The following OTOR variants were observed in gnomAD, a reference collection of about 807,000 sequenced individuals.
The protein encoded by OTOR is otoraplin.
A neutral mutation model predicts 15.9 loss-of-function variants in OTOR; 20 were observed. The ratio of observed to expected loss-of-function variants is 1.26; its 90% CI spans 0.89 to 1.83. The LOEUF (loss-of-function observed/expected upper bound fraction) is 1.83, where lower values mean the gene tolerates loss of function less well. OTOR is among the 40% of genes most tolerant of loss of function. The probability of loss-of-function intolerance (pLI) is 0.00; values close to 1 mark genes in which losing one functional copy is unlikely to be tolerated. For synonymous variants in OTOR, 53 were observed against 54.2 expected (o/e 0.98, Z 0.09); for missense variants, 184 against 159.0 (o/e 1.16, Z -0.85).
At chr20:16,751,025 C>A in intron 3 of OTOR, 70 bp from the exon 4 acceptor site, 3 of 1,174,758 alleles carry the variant, frequency 2.6e-6, no homozygotes, top group Non-Finnish European at 3.6e-6. Context: ...ACTTTAAATA[C>A]AGAATCTACA....
chr20:16,750,099 G>T, intron 3 of OTOR, 89 bp downstream of exon 3: 1 of 852,098 alleles, frequency 1.2e-6, no homozygotes, highest in Non-Finnish European at 1.9e-6. Context: ...CTTACAAGTT[G>T]TATAGAACAA....
chr20:16,750,411 G>C (rs964424303), intron 3 of OTOR, among the ~76,000 whole-genome samples: 12 of 149,344 alleles, frequency 8.0e-5, no homozygotes, highest in Admixed American at 2.7e-4. Flanking sequence ...CTTTGTGTGT[G>C]TGTGTGTGTG....
intron 3 of OTOR, among the ~76,000 whole-genome samples, chr20:16,750,413 G>GTC (rs142386390): frequency 6.7e-6 from 1 of 149,576 alleles, no homozygotes; most frequent in African/African-American, 2.5e-5. Context: ...TTGTGTGTGT[G>GTC]TGTGTGTGTG....
At chr20:16,751,002 CT>C in intron 3 of OTOR, 92 bp from the exon 4 acceptor site, 1 of 951,358 alleles carries the variant, frequency 1.1e-6, no homozygotes, top group Non-Finnish European at 1.6e-6. Flanking sequence ...CCAAATTTCT[CT>C]GATTAGATAT....
chr20:16,750,944 G>C, intron 3 of OTOR, 151 bp from the exon 4 acceptor site: 1 of 648,340 alleles, frequency 1.5e-6, no homozygotes, highest in Non-Finnish European at 2.7e-6. Context: ...GACTTAAAGT[G>C]GTAAATATTT....
chr20:16,751,180 G>A lies in OTOR; in HGVS notation c.*62G>A, dbSNP rs144748974. ...AAAAATAAAGAAAAGAGCAAAAGTG[G>A]CCAAAAAATGCATGTCTGTAATTTT... is the stretch of plus-strand genomic sequence containing the variant. On this transcript the variant is annotated 3_prime_UTR_variant, in exon 4 of 4. Coordinates refer to ENST00000246081, the MANE Select transcript of OTOR (RefSeq NM_020157.4). 12,394 of 1,143,782 alleles carry A rather than the reference G, an allele frequency of 0.011. 86 individuals carry two copies. The highest frequency in any genetic ancestry group is 0.013 in the Non-Finnish European group (10,446 of 801,094). The allele number at this position is 1,143,782 out of a possible 1,614,324, so 70.9% of individuals were successfully genotyped here.
Position 16,751,081 on chromosome 20 carries a change from T to C in OTOR, c.364-14T>C. 1 of 1,536,270 alleles carries C rather than the reference T, an allele frequency of 6.5e-7. No homozygotes were observed. The highest frequency in any genetic ancestry group is 8.8e-7 in the Non-Finnish European group (1 of 1,133,838). On this transcript the variant is annotated splice_polypyrimidine_tract_variant and intron_variant, in intron 3 of 3. Transcript: ENST00000246081. ...TATTTCGTTCAATCTTTTTTTGTTT[T>C]TGTTTTTTTCCAGGATATTGACTTC...
At chr20:16,749,818 C>T in intron 2 of OTOR, 85 bp from the exon 3 acceptor site, 2 of 894,264 alleles carry the variant, frequency 2.2e-6, no homozygotes, top group African/African-American at 1.6e-5. Context: ...ATGATTCTCA[C>T]TATCAGCAAA....
chr20:16,750,540 CAA>C (rs1309794321), intron 3 of OTOR, among the ~76,000 whole-genome samples: 1 of 152,026 alleles, frequency 6.6e-6, no homozygotes, highest in Non-Finnish European at 1.5e-5. Context: ...ATAAAGAAAC[CAA>C]AGTCAGCACT....
chr20:16,750,987 T>G, intron 3 of OTOR, 108 bp from the exon 4 acceptor site: 1 of 876,054 alleles, frequency 1.1e-6, no homozygotes, highest in Non-Finnish European at 1.7e-6. Context: ...TTACTTACTT[T>G]AAATCCAAAT....
rs770206758 is a variant in OTOR at position 16,749,933 on chromosome 20, G to A, written c.286G>A (p.Val96Ile). The A allele has an allele frequency of 6.2e-7, 1 of 1,613,762 alleles. No individual in the cohort carries two copies. Among genetic ancestry groups the A allele is most frequent in the East Asian group, 2.2e-5 (1 of 44,838 alleles). The change falls in exon 3 of 4, where the codon GTC (valine) becomes ATC (isoleucine). Residue 96 changes from valine (V) to isoleucine (I), a missense_variant. Transcript: ENST00000246081. The stretch of plus-strand genomic sequence containing the variant: ...TGGTGATGGCCAGGACGAGATGGGA[G>A]TCGTGGGTTATTTCCCCAGGAACTT... ...VYGDGQDEMG[V>I]VGYFPRNLVK...
At chr20:16,750,061 A>G (rs1207421242) in intron 3 of OTOR, 51 bp downstream of exon 3, 2 of 1,222,334 alleles carry the variant, frequency 1.6e-6, no homozygotes, top group Non-Finnish European at 2.4e-6. Flanking sequence ...GGGGCAATGT[A>G]GGCCGGTGTT....
intron 1 of OTOR, 27 bp downstream of exon 1, chr20:16,748,543 ATCTT>A: frequency 2.3e-6 from 3 of 1,284,198 alleles, no homozygotes; most frequent in South Asian, 1.2e-5. Flanking sequence ...GCTTTTCATT[ATCTT>A]TCTATTACAT....
intron 2 of OTOR, 115 bp from the exon 3 acceptor site, chr20:16,749,787 GA>G: frequency 4.3e-6 from 3 of 701,134 alleles, no homozygotes; most frequent in Non-Finnish European, 7.6e-6. Flanking sequence ...ACCCCGGAGT[GA>G]AAGGGAGGTA....
Position 16,749,097 on chromosome 20 carries a change from T to G in OTOR, c.255+91T>G, listed in dbSNP as rs530193826. ...ACCTATTTTAATGCTTAATACTAGT[T>G]GTTAAGAACCATGTAGTGATTGTAG... On this transcript the variant is annotated intron_variant, in intron 2 of 3. Transcript: ENST00000246081. The G allele has an allele frequency of 7.0e-5, 63 of 898,830 alleles. No individual in the cohort carries two copies. In the African/African-American group the frequency reaches 9.0e-4, roughly 13 times the overall value. The allele number at this position is 898,830 out of a possible 1,614,324, so 55.7% of individuals were successfully genotyped here. A position where few individuals can be genotyped will look rare whatever the true frequency, so the allele number is the denominator to read the frequency against.
rs1264272103 is a variant in OTOR at position 16,748,746 on chromosome 20, C to A, written c.116-121C>A. 1.1e-5 allele frequency: 9 copies of A among 789,746 alleles called. No individual in the cohort carries two copies. In the East Asian group the frequency reaches 1.7e-4, roughly 15 times the overall value. The allele number at this position is 789,746 out of a possible 1,614,324, so 48.9% of individuals were successfully genotyped here. A position where few individuals can be genotyped will look rare whatever the true frequency, so the allele number is the denominator to read the frequency against. Reference sequence around the variant, plus strand: ...TGTCTTCTTTCTCTTGGATAGACACCAGCTATGAACTGGGAATTATCAGTC... The same window carrying A: ...TGTCTTCTTTCTCTTGGATAGACACAAGCTATGAACTGGGAATTATCAGTC... On this transcript the variant is annotated intron_variant, in intron 1 of 3. Transcript: ENST00000246081.
At chr20:16,748,590 C>A in intron 1 of OTOR, 74 bp downstream of exon 1, 3 of 924,430 alleles carry the variant, frequency 3.2e-6, no homozygotes, top group Admixed American at 2.0e-5. Flanking sequence ...AGCATAAAAT[C>A]GAATTATACT....
intron 2 of OTOR, 134 bp from the exon 3 acceptor site, chr20:16,749,769 C>T (rs1334230796): frequency 6.4e-6 from 4 of 620,258 alleles, no homozygotes; most frequent in Non-Finnish European, 8.7e-6. Context: ...TGCCGCAGCG[C>T]CCCCTGGACC....
chr20:16,749,923 C>T lies in OTOR; in HGVS notation c.276C>T (p.Asp92=), dbSNP rs776883223. Residue 92 remains aspartate, a synonymous_variant, in exon 3 of 4, where the codon GAC becomes GAT. Coordinates refer to ENST00000246081, the MANE Select transcript of OTOR (RefSeq NM_020157.4). ...CTTAGGTTTATGGTGATGGCCAGGACGAGATGGGAGTCGTGGGTTATTTCC... is the reference window on the plus strand; with the variant it reads ...CTTAGGTTTATGGTGATGGCCAGGATGAGATGGGAGTCGTGGGTTATTTCC... The part of the protein sequence containing the change: ...WAGSVYGDGQ[D]EMGVVGYFPR... 6 of 1,612,982 alleles carry T rather than the reference C, an allele frequency of 3.7e-6. No homozygotes were observed. The highest frequency in any genetic ancestry group is 1.7e-5 in the Admixed American group (1 of 59,986).
Sources: gnomAD v4.1 joint callset for allele counts (sites outside exome capture counted in the v4.1 genomes callset) on GRCh38, gnomAD v4.1.1 for gene constraint, MANE v1.5 for transcripts, NCBI Gene and HGNC (gene_info 2026-07-23, HGNC 2026-07-21) for gene names.